CARD19: variants seen among roughly 807,000 people sequenced by gnomAD.
CARD19 encodes caspase recruitment domain-containing protein 19.
In CARD19, 25 loss-of-function variants were observed where a neutral mutation model predicts 24.1. That is an observed-to-expected ratio of 1.04 (90% CI 0.76 to 1.45). The LOEUF (loss-of-function observed/expected upper bound fraction) is 1.45. Ranked by LOEUF, CARD19 falls within the 40% of genes most tolerant of loss-of-function variation. The pLI is 0.00. For missense variants in CARD19, 241 were observed against 247.4 expected (o/e 0.97, Z 0.17); for synonymous variants, 103 against 104.9 (o/e 0.98, Z 0.11).
intron 1 of CARD19, among the ~76,000 whole-genome samples, chr9:93,106,917 C>T (rs561522773): frequency 3.3e-5 from 5 of 152,208 alleles, no homozygotes; most frequent in South Asian, 4.1e-4. Flanking sequence ...ATCACTCCAC[C>T]GCTCAGCCTT....
At chr9:93,112,389 G>A (rs1441515119) in intron 5 of CARD19, 100 bp downstream of exon 5, 29 of 940,620 alleles carry the variant, frequency 3.1e-5, no homozygotes, top group Non-Finnish European at 3.5e-5. Context: ...TGGCCTCTTC[G>A]TACCTCGGTG....
chr9:93,099,613 G>C (rs919240257), intron 1 of CARD19, among the ~76,000 whole-genome samples: 1 of 152,346 alleles, frequency 6.6e-6, no homozygotes, highest in Admixed American at 6.5e-5. Context: ...GTGAATTTTG[G>C]CTAATTCATC....
In CARD19 at chr9:93,096,563, C is replaced by G. The variant is rs1826867794; in HGVS notation, c.7+211C>G. On this transcript the variant is annotated intron_variant, in intron 1 of 5. Transcript: ENST00000375464. The surrounding 1 kb of genome is among the most constrained non-coding windows in gnomAD (Gnocchi z 5.4). ...CTTCTACCCGGCGGGGCCGTGCCAG[C>G]CGAGGCGGTGCCGGGCATGATGGGT... Among the ~76,000 whole-genome samples the G allele has an allele frequency of 6.6e-6, 1 of 152,090 alleles. No homozygotes were observed. The highest frequency in any genetic ancestry group is 1.5e-5 in the Non-Finnish European group (1 of 67,998).
chr9:93,100,877 T>C (rs1374950494), intron 1 of CARD19, among the ~76,000 whole-genome samples: 1 of 152,270 alleles, frequency 6.6e-6, no homozygotes, highest in Non-Finnish European at 1.5e-5. Flanking sequence ...GGTTCGTCCA[T>C]GTTGTAACAT....
rs74414352 is a variant in CARD19 at position 93,107,699 on chromosome 9, G to A, written c.33G>A (p.Val11=). The A allele has an allele frequency of 3.6e-3, 5,867 of 1,614,252 alleles. 17 individuals are homozygous for A. The highest frequency in any genetic ancestry group is 7.4e-3 in the Middle Eastern group (45 of 6,062). The change falls in exon 2 of 6, where the codon GTG becomes GTA. Residue 11 remains valine (V), a synonymous_variant. Transcript: ENST00000375464. Reference sequence around the variant, plus strand: ...ATCAGACCTATTGTGACCGCCTGGTGCAGGACACGCCTTTCCTGACAGGCC... The same window carrying A: ...ATCAGACCTATTGTGACCGCCTGGTACAGGACACGCCTTTCCTGACAGGCC... The part of the protein sequence containing the change: MTDQTYCDRL[V]QDTPFLTGHG...
intron 2 of CARD19, among the ~76,000 whole-genome samples, chr9:93,108,169 G>A (rs1482762935): frequency 1.3e-5 from 2 of 152,182 alleles, no homozygotes; most frequent in Non-Finnish European, 2.9e-5. Flanking sequence ...GCGAGAAAGA[G>A]GGCAGGAGGG....
chr9:93,097,238 G>A (rs1435553969), intron 1 of CARD19, among the ~76,000 whole-genome samples: 2 of 151,980 alleles, frequency 1.3e-5, no homozygotes, highest in African/African-American at 4.8e-5. Context: ...AGCCCCAGAA[G>A]TCCCTAGTCC....
At chr9:93,105,864 TTTATC>T (rs1419869699) in intron 1 of CARD19, among the ~76,000 whole-genome samples, 1 of 152,168 alleles carries the variant, frequency 6.6e-6, no homozygotes, top group East Asian at 1.9e-4. Flanking sequence ...TGTTTCCTCA[TTTATC>T]TTCTGTCTAG....
intron 1 of CARD19, among the ~76,000 whole-genome samples, chr9:93,097,137 G>T (rs1374015880): frequency 6.6e-6 from 1 of 152,226 alleles, no homozygotes; most frequent in Non-Finnish European, 1.5e-5. Flanking sequence ...CCCCATGGCA[G>T]CCCGGCCAGG....
At position 93,107,842 on chromosome 9, in the gene CARD19, C is replaced by G. The variant is rs749000911; in HGVS notation, c.150+26C>G. On this transcript the variant is annotated intron_variant, in intron 2 of 5. Transcript: ENST00000375464. ...GTGCTGAGGAGGTGAGGGGGGTACC[C>G]GAGACACTGCTCAGTTTCCCTTCCT... 6 of 1,613,766 alleles carry G rather than the reference C, an allele frequency of 3.7e-6. No homozygotes were observed. The Admixed American group carries it at 6.7e-5, about 18-fold the overall frequency.
Position 93,096,473 on chromosome 9 carries a change from A to T in CARD19, c.7+121A>T. ...GCGCCTGGGCAGCGGGGGCCGAGTG[A>T]CCTTGGCCCGTCAGCTGTCGGTGGT... On this transcript the variant is annotated intron_variant, in intron 1 of 5. Coordinates refer to ENST00000375464, the MANE Select transcript of CARD19 (RefSeq NM_032310.5). The surrounding 1 kb of genome is among the most constrained non-coding windows in gnomAD (Gnocchi z 5.4). 4 of 941,682 alleles carry T rather than the reference A, an allele frequency of 4.2e-6. No individual in the cohort carries two copies. The highest frequency in any genetic ancestry group is 5.5e-6 in the Non-Finnish European group (4 of 727,878). The allele number at this position is 941,682 out of a possible 1,614,324, so 58.3% of individuals were successfully genotyped here. A position where few individuals can be genotyped will look rare whatever the true frequency, so the allele number is the denominator to read the frequency against.
At chr9:93,108,501 C>T (rs1055800841) in intron 2 of CARD19, among the ~76,000 whole-genome samples, 8 of 152,010 alleles carry the variant, frequency 5.3e-5, no homozygotes, top group African/African-American at 1.9e-4. Flanking sequence ...GGAGTGGACA[C>T]CGAGAGCCCC....
At chr9:93,112,913 C>T (rs1587655762) in intron 5 of CARD19, 79 bp from the exon 6 acceptor site, 4 of 965,106 alleles carry the variant, frequency 4.1e-6, no homozygotes, top group Non-Finnish European at 6.3e-6. Flanking sequence ...TTCCCACCCA[C>T]CCCCGCAGGA....
chr9:93,106,818 C>T (rs754498277), intron 1 of CARD19, among the ~76,000 whole-genome samples: 9 of 152,056 alleles, frequency 5.9e-5, no homozygotes, highest in Non-Finnish European at 1.0e-4. Context: ...CATGGGGAAA[C>T]AGGACAAGCT....
Position 93,107,498 on chromosome 9 carries a change from C to T in CARD19, c.8-176C>T, listed in dbSNP as rs192815077. 2.2e-3 allele frequency among the ~76,000 whole-genome samples: 330 copies of T among 152,392 alleles called. 2 individuals carry two copies. Among genetic ancestry groups the T allele is most frequent in the Admixed American group, 0.02 (304 of 15,306 alleles). On this transcript the variant is annotated intron_variant, in intron 1 of 5. Coordinates refer to ENST00000375464, the MANE Select transcript of CARD19 (RefSeq NM_032310.5). ...GCAGGTTGGCAGGCCAGGGGCAGCT[C>T]TCAGCTGGGCAATGCGCACCACACA...
chr9:93,111,812 G>A (rs1366874666), intron 3 of CARD19, 67 bp from the exon 4 acceptor site: 6 of 1,585,194 alleles, frequency 3.8e-6, no homozygotes, highest in Non-Finnish European at 5.2e-6. Flanking sequence ...TGGGCTTCCT[G>A]CGGGGTGACT....
chr9:93,107,576 T>G, intron 1 of CARD19, 98 bp from the exon 2 acceptor site: 1 of 1,422,212 alleles, frequency 7.0e-7, no homozygotes, highest in Non-Finnish European at 9.7e-7. Context: ...GAACCCACCT[T>G]GGGGGTGATG....
At chr9:93,105,067 T>C (rs1480323142) in intron 1 of CARD19, among the ~76,000 whole-genome samples, 1 of 152,182 alleles carries the variant, frequency 6.6e-6, no homozygotes, top group Non-Finnish European at 1.5e-5. Flanking sequence ...GTTAGGTTAC[T>C]GATTTAAGAT....
In CARD19 at chr9:93,112,210, C is replaced by G. The variant is rs1472883792; in HGVS notation, c.365-8C>G. ...AGGGGAGCCCTGTTCACGCTGGTTT[C>G]TCCCCAGGACCCATGAGCTTCCTGG... On this transcript the variant is annotated splice_polypyrimidine_tract_variant and splice_region_variant and intron_variant, in intron 4 of 5. Coordinates refer to ENST00000375464, the MANE Select transcript of CARD19 (RefSeq NM_032310.5). The G allele has an allele frequency of 1.3e-6, 2 of 1,544,512 alleles. No individual in the cohort carries two copies. The highest frequency in any genetic ancestry group is 2.7e-5 in the African/African-American group (2 of 72,984).
Sources: gnomAD v4.1 joint callset for allele counts (sites outside exome capture counted in the v4.1 genomes callset) on GRCh38, gnomAD v4.1.1 for gene constraint, Gnocchi (gnomAD v3.1) non-coding constraint, MANE v1.5 for transcripts, NCBI Gene and HGNC (gene_info 2026-07-23, HGNC 2026-07-21) for gene names.